Variants in KIAA0040 observed in about 807,000 individuals in gnomAD.
The protein encoded by KIAA0040 is uncharacterized protein KIAA0040.
In KIAA0040, 10 loss-of-function variants were observed where a neutral mutation model predicts 7.2. The observed-to-expected ratio is 1.38, with a 90% CI of 0.85 to 2.34. The LOEUF (loss-of-function observed/expected upper bound fraction) is 2.34. Among genes scored for constraint, KIAA0040 ranks in the 30% most tolerant of loss-of-function variants. KIAA0040 has a pLI of 0.00. For synonymous variants in KIAA0040, 49 were observed against 40.1 expected, an observed-to-expected ratio of 1.22 and a Z score of -0.84; for missense variants, 89 against 108.2, an observed-to-expected ratio of 0.82 and a Z score of 0.79.
intron 2 of KIAA0040, among the ~76,000 whole-genome samples, chr1:175,174,483 C>T (rs1302492673): frequency 6.6e-6 from 1 of 152,192 alleles, no homozygotes; most frequent in African/African-American, 2.4e-5. Context: ...GAGCCCTTTC[C>T]TCATCTGAGA....
At chr1:175,175,624 C>T (rs1469578188) in intron 2 of KIAA0040, among the ~76,000 whole-genome samples, 1 of 152,126 alleles carries the variant, frequency 6.6e-6, no homozygotes, top group Non-Finnish European at 1.5e-5. Flanking sequence ...TTGGAACTAA[C>T]CCAAATGTCC....
intron 1 of KIAA0040, among the ~76,000 whole-genome samples, chr1:175,183,485 T>C (rs1558400462): frequency 6.6e-6 from 1 of 152,096 alleles, no homozygotes; most frequent in Non-Finnish European, 1.5e-5. Flanking sequence ...AGCCAGGTGA[T>C]GGGTTGGGAT....
At chr1:175,188,488 C>T (rs1677749612) in intron 1 of KIAA0040, among the ~76,000 whole-genome samples, 1 of 152,186 alleles carries the variant, frequency 6.6e-6, no homozygotes, top group South Asian at 2.1e-4. Context: ...TGTGACGAGT[C>T]TCCTGAAAGC....
At chr1:175,170,971 GT>G (rs1676969003) in intron 2 of KIAA0040, among the ~76,000 whole-genome samples, 1 of 152,092 alleles carries the variant, frequency 6.6e-6, no homozygotes, top group Admixed American at 6.5e-5. Context: ...ACCTTGTCTG[GT>G]ACTCTCTTCT....
At chr1:175,178,973 G>A (rs561177549) in intron 1 of KIAA0040, among the ~76,000 whole-genome samples, 67 of 149,750 alleles carry the variant, frequency 4.5e-4, no homozygotes, top group African/African-American at 1.5e-3. Context: ...GACGGGGCGG[G>A]GGGGGGGATA....
rs1571223176 is a variant in KIAA0040 at position 175,191,200 on chromosome 1, C to T, written c.-384+1440G>A. ...TCCAAGGCCCTGGTATACTGGCCTG[C>T]ACACGGTAGGTTTGGCAAATGTTGA... is the stretch of plus-strand genomic sequence containing the variant. On this transcript the variant is annotated intron_variant, in intron 1 of 3. Coordinates refer to ENST00000423313, the MANE Select transcript of KIAA0040 (RefSeq NM_014656.3). Among the ~76,000 whole-genome samples, 3 of 152,366 alleles carry T rather than the reference C, an allele frequency of 2.0e-5. No individual in the cohort carries two copies. In the South Asian group the frequency reaches 6.2e-4, roughly 32 times the overall value.
At chr1:175,182,461 CCAACATTTAGCA>C (rs1677477695) in intron 1 of KIAA0040, among the ~76,000 whole-genome samples, 1 of 152,192 alleles carries the variant, frequency 6.6e-6, no homozygotes, top group Admixed American at 6.5e-5. Flanking sequence ...AATCAGCCTG[CCAACATTTAGCA>C]CAAAGTTTGT....
intron 1 of KIAA0040, among the ~76,000 whole-genome samples, chr1:175,189,271 C>A (rs1280963796): frequency 2.0e-5 from 3 of 152,082 alleles, no homozygotes; most frequent in African/African-American, 7.2e-5. Context: ...ACAAATATAC[C>A]CAAGTCATTG....
chr1:175,187,824 C>T (rs1677722225), intron 1 of KIAA0040, among the ~76,000 whole-genome samples: 3 of 152,030 alleles, frequency 2.0e-5, no homozygotes, highest in Admixed American at 2.0e-4. Flanking sequence ...CTATCACATG[C>T]GACTATCCTT....
chr1:175,186,541 C>T (rs1200944409), intron 1 of KIAA0040, among the ~76,000 whole-genome samples: 1 of 152,220 alleles, frequency 6.6e-6, no homozygotes. Context: ...CTCCCTTGTT[C>T]CAGACAGTGT....
chr1:175,175,042 G>C (rs1677130632), intron 2 of KIAA0040, among the ~76,000 whole-genome samples: 1 of 152,188 alleles, frequency 6.6e-6, no homozygotes, highest in African/African-American at 2.4e-5. Flanking sequence ...TGTGAGTTAG[G>C]AGCGGTTGAG....
chr1:175,192,791 C>T (rs1301490297), upstream of KIAA0040: 1 of 151,732 alleles, frequency 6.6e-6, no homozygotes, highest in Non-Finnish European at 1.5e-5. Flanking sequence ...TGTAGGGCCC[C>T]GGCGCCGGCC....
At chr1:175,179,236 T>C (rs556159095) in intron 1 of KIAA0040, among the ~76,000 whole-genome samples, 6 of 152,120 alleles carry the variant, frequency 3.9e-5, no homozygotes, top group Non-Finnish European at 8.8e-5. Context: ...AAGCCTAACA[T>C]GGGGTTGGTG....
intron 2 of KIAA0040, among the ~76,000 whole-genome samples, chr1:175,168,625 AC>A (rs11292765): frequency 0.39 from 59,784 of 151,920 alleles, 12,159 homozygotes; most frequent in Non-Finnish European, 0.45. Flanking sequence ...TGATTACCTT[AC>A]TTTATTGATG....
chr1:175,192,817 G>GCCCCCCCCCCCC (rs1558405268), upstream of KIAA0040: 52 of 123,524 alleles, frequency 4.2e-4, no homozygotes, highest in Non-Finnish European at 5.6e-4. Context: ...CGTGGGAGCC[G>GCCCCCCCCCCCC]CCCGCCCCGC....
At chr1:175,182,187 G>C (rs978068831) in intron 1 of KIAA0040, among the ~76,000 whole-genome samples, 2 of 152,172 alleles carry the variant, frequency 1.3e-5, no homozygotes, top group African/African-American at 2.4e-5. Context: ...AAGGACATTG[G>C]GGGCTACAAT....
intron 1 of KIAA0040, among the ~76,000 whole-genome samples, chr1:175,185,941 C>T (rs1677642521): frequency 6.6e-6 from 1 of 152,206 alleles, no homozygotes; most frequent in African/African-American, 2.4e-5. Context: ...AGCAAAAGGT[C>T]ACATATTGTA....
At chr1:175,169,926 A>C (rs773764252) in intron 2 of KIAA0040, among the ~76,000 whole-genome samples, 1 of 152,142 alleles carries the variant, frequency 6.6e-6, no homozygotes, top group Non-Finnish European at 1.5e-5. Context: ...ATGAGCTCCT[A>C]GGATGTGTCA....
At position 175,173,787 on chromosome 1, in the gene KIAA0040, C is replaced by G. The variant is rs112662993; in HGVS notation, c.-310+3824G>C. ...AAACACGTTGAAGAGAAGTGCAATA[C>G]AGCATCACTGATAACATGTATAACT... On this transcript the variant is annotated intron_variant, in intron 2 of 3. Coordinates refer to ENST00000423313, the MANE Select transcript of KIAA0040 (RefSeq NM_014656.3). 2.5e-3 allele frequency among the ~76,000 whole-genome samples: 387 copies of G among 152,338 alleles called. 4 individuals carry two copies. Among genetic ancestry groups the G allele is most frequent in the African/African-American group, 9.0e-3 (374 of 41,560 alleles).
Sources: allele counts gnomAD v4.1 joint callset (sites outside exome capture counted in the v4.1 genomes callset), GRCh38; gene constraint gnomAD v4.1.1; transcripts MANE v1.5; gene names NCBI Gene and HGNC (gene_info 2026-07-23, HGNC 2026-07-21).